Variants in DPYD observed in about 807,000 individuals in gnomAD.
DPYD encodes dihydropyrimidine dehydrogenase [NADP(+)].
A neutral mutation model predicts 116.2 loss-of-function variants in DPYD; 109 were observed. The observed-to-expected ratio is 0.94, with a 90% CI of 0.80 to 1.10. DPYD has a LOEUF of 1.10. Among genes scored for constraint, DPYD ranks in the 50% least tolerant of loss-of-function variants. The pLI, the probability that DPYD is intolerant of heterozygous loss-of-function variation, is 0.00. For missense variants in DPYD, 1,302 were observed against 1,254.5 expected (o/e 1.04, Z -0.57); for synonymous variants, 440 against 432.0 (o/e 1.02, Z -0.23).
At position 97,078,469 on chromosome 1, in the gene DPYD, T is replaced by C. The variant is rs1181707489; in HGVS notation, c.*507A>G. On this transcript the variant is annotated 3_prime_UTR_variant, in exon 23 of 23. Coordinates refer to ENST00000370192, the MANE Select transcript of DPYD (RefSeq NM_000110.4). ...CTGCCATAGCAAATAATTTTTTGACTTTCTTCATTTGTACTTTATGGAGCT... is the reference window on the plus strand; with the variant it reads ...CTGCCATAGCAAATAATTTTTTGACCTTCTTCATTTGTACTTTATGGAGCT... 5.8e-6 allele frequency: 1 copy of C among 171,668 alleles called. No individual in the cohort carries two copies. Among genetic ancestry groups the C allele is most frequent in the Non-Finnish European group, 1.3e-5 (1 of 79,314 alleles). 10.6% of individuals were successfully genotyped at this position (171,668 alleles called of 1,614,324 possible).
chr1:97,571,080 C>T (rs976242872), intron 11 of DPYD, among the ~76,000 whole-genome samples: 2 of 151,728 alleles, frequency 1.3e-5, no homozygotes, highest in Non-Finnish European at 1.5e-5. Flanking sequence ...AATGAATGCA[C>T]GTATGAATGG....
intron 8 of DPYD, among the ~76,000 whole-genome samples, chr1:97,658,753 G>A (rs150341978): frequency 9.2e-5 from 14 of 151,988 alleles, no homozygotes; most frequent in Non-Finnish European, 2.1e-4. Context: ...ATCACTTTTC[G>A]TATTCAGTAG....
chr1:97,901,548 G>T lies in DPYD; in HGVS notation c.40-18174C>A, dbSNP rs1171535961. On this transcript the variant is annotated intron_variant, in intron 1 of 22. Coordinates refer to ENST00000370192, the MANE Select transcript of DPYD (RefSeq NM_000110.4). ...TAACAATGAGTATAGGTTGTAAAGAGACAGAAAAGTAAATACACCTCCCAT... is the reference window on the plus strand; with the variant it reads ...TAACAATGAGTATAGGTTGTAAAGATACAGAAAAGTAAATACACCTCCCAT... Among the ~76,000 whole-genome samples the T allele has an allele frequency of 2.0e-5, 3 of 151,750 alleles. No individual in the cohort carries two copies. The East Asian group carries it at 5.8e-4, about 29-fold the overall frequency.
chr1:97,130,836 C>CTCCTTCCTTCCCTCCT, intron 20 of DPYD, among the ~76,000 whole-genome samples: 1 of 64,636 alleles, frequency 1.5e-5, no homozygotes, highest in South Asian at 5.0e-4. Flanking sequence ...TTTCTTCTTT[C>CTCCTTCCTTCCCTCCT]TCCTTCCTTC....
At chr1:97,819,249 C>T (rs1456065166) in intron 3 of DPYD, among the ~76,000 whole-genome samples, 1 of 151,828 alleles carries the variant, frequency 6.6e-6, no homozygotes, top group Non-Finnish European at 1.5e-5. Flanking sequence ...GGGAGTAGGG[C>T]TTTCAGGAGG....
intron 19 of DPYD, among the ~76,000 whole-genome samples, chr1:97,207,821 G>A (rs1036522199): frequency 6.6e-6 from 1 of 151,966 alleles, no homozygotes; most frequent in Non-Finnish European, 1.5e-5. Flanking sequence ...CACCAATAGA[G>A]GTCAGTCCAG....
chr1:97,664,476 G>A (rs1194170685), intron 8 of DPYD, among the ~76,000 whole-genome samples: 1 of 151,792 alleles, frequency 6.6e-6, no homozygotes, highest in African/African-American at 2.4e-5. Flanking sequence ...TTAAGGTTGT[G>A]AGGGCATAAT....
chr1:97,353,701 CA>C (rs532337022), intron 16 of DPYD, among the ~76,000 whole-genome samples: 1 of 146,816 alleles, frequency 6.8e-6, no homozygotes, highest in African/African-American at 2.5e-5. Flanking sequence ...TTAAAAGTCT[CA>C]AAAAAAATAG....
intron 2 of DPYD, among the ~76,000 whole-genome samples, chr1:97,830,641 T>C (rs1210568363): frequency 6.9e-6 from 1 of 145,564 alleles, no homozygotes; most frequent in South Asian, 2.1e-4. Context: ...ACCTGGGAGG[T>C]GGAGGCTGCA....
rs187405059 is a variant in DPYD at position 97,525,659 on chromosome 1, T to C, written c.1525-9718A>G. Among the ~76,000 whole-genome samples the C allele has an allele frequency of 7.0e-4, 107 of 152,232 alleles. 1 individual carries two copies. Among genetic ancestry groups the C allele is most frequent in the Non-Finnish European group, 1.0e-4 (7 of 68,018 alleles). ...ATAAAAGCCCATTATTCTATGATTC[T>C]AACATAGAGTGGCATTGAAGCTCTG... On this transcript the variant is annotated intron_variant, in intron 12 of 22. Transcript: ENST00000370192.
chr1:97,742,406 A>C (rs1028175975), intron 3 of DPYD, among the ~76,000 whole-genome samples: 10 of 152,078 alleles, frequency 6.6e-5, no homozygotes, highest in Non-Finnish European at 1.5e-4. Flanking sequence ...TCTCTAAATT[A>C]AATTTTACAC....
In DPYD at chr1:97,573,796, T is replaced by C. The variant is rs1259502889; in HGVS notation, c.1303A>G (p.Ile435Val). The change falls in exon 11 of 23, where the codon ATC becomes GTC. Residue 435 changes from isoleucine to valine, a missense_variant. Transcript: ENST00000370192. Reference protein sequence around the residue: ...QMVHLKADVVISAFGSVLSDP... With the variant: ...QMVHLKADVVVSAFGSVLSDP... Reference sequence around the variant, plus strand: ...CTCAGAACTGAACCAAAGGCACTGATGACCACATCGGCTTTCAGATGGACC... The same window carrying C: ...CTCAGAACTGAACCAAAGGCACTGACGACCACATCGGCTTTCAGATGGACC... 4.3e-6 allele frequency: 7 copies of C among 1,613,564 alleles called. No individual in the cohort carries two copies. The highest frequency in any genetic ancestry group is 1.7e-5 in the Admixed American group (1 of 59,958).
At chr1:97,538,668 G>A (rs1244351453) in intron 12 of DPYD, among the ~76,000 whole-genome samples, 2 of 152,268 alleles carry the variant, frequency 1.3e-5, no homozygotes, top group South Asian at 2.1e-4. Flanking sequence ...TAGAATCACA[G>A]TAACTGTTAA....
chr1:97,517,962 T>C (rs1318622894), intron 12 of DPYD, among the ~76,000 whole-genome samples: 2 of 152,276 alleles, frequency 1.3e-5, no homozygotes, highest in Non-Finnish European at 2.9e-5. Flanking sequence ...ATTGTAGCTA[T>C]ATATGGCATT....
intron 4 of DPYD, among the ~76,000 whole-genome samples, chr1:97,726,627 G>T (rs1023638256): frequency 4.6e-5 from 7 of 151,220 alleles, no homozygotes; most frequent in African/African-American, 1.5e-4. Flanking sequence ...TGTATAATTA[G>T]AAGTGTCCTT....
chr1:97,500,390 A>G (rs1318120204), intron 13 of DPYD, among the ~76,000 whole-genome samples: 1 of 152,048 alleles, frequency 6.6e-6, no homozygotes, highest in African/African-American at 2.4e-5. Flanking sequence ...TTATATTTGT[A>G]TCATGTCTAA....
At chr1:97,286,278 C>A (rs1665672548) in intron 18 of DPYD, among the ~76,000 whole-genome samples, 2 of 152,192 alleles carry the variant, frequency 1.3e-5, no homozygotes, top group Admixed American at 1.3e-4. Flanking sequence ...AGAGTTTCTG[C>A]TGAGAGATCC....
At chr1:97,373,746 T>C in intron 15 of DPYD, 102 bp from the exon 16 acceptor site, 1 of 1,031,154 alleles carries the variant, frequency 9.7e-7, no homozygotes, top group Admixed American at 1.9e-5. Context: ...AAGTGTTAAC[T>C]ATTCTGTTTT....
chr1:97,817,328 C>T (rs1157641269), intron 3 of DPYD, among the ~76,000 whole-genome samples: 1 of 151,846 alleles, frequency 6.6e-6, no homozygotes, highest in Non-Finnish European at 1.5e-5. Flanking sequence ...CTTTTTTCCC[C>T]AAAATAAAAT....
Sources: allele counts gnomAD v4.1 joint callset (sites outside exome capture counted in the v4.1 genomes callset), GRCh38; gene constraint gnomAD v4.1.1; transcripts MANE v1.5; gene names NCBI Gene and HGNC (gene_info 2026-07-23, HGNC 2026-07-21).